Variants in MRGPRX3 observed in about 807,000 individuals in gnomAD.
The protein encoded by MRGPRX3 is mas-related G protein-coupled receptor member X3.
MRGPRX3 carries 14 observed loss-of-function variants against 16.5 expected under a neutral mutation model. The observed-to-expected ratio is 0.85, with a 90% CI of 0.56 to 1.33. The LOEUF is 1.33. MRGPRX3 is among the 40% of genes most tolerant of loss of function. MRGPRX3 has a pLI of 0.00. For missense variants in MRGPRX3, 449 were observed against 413.0 expected, an observed-to-expected ratio of 1.09 and a Z score of -0.76; for synonymous variants, 199 against 180.1, an observed-to-expected ratio of 1.10 and a Z score of -0.84.
At chr11:18,127,809 C>T (rs768592448), upstream of MRGPRX3, among the ~76,000 whole-genome samples, 8 of 152,162 alleles carry the variant, frequency 5.3e-5, no homozygotes, top group East Asian at 5.8e-4. Context: ...TTTCATTGCT[C>T]GTGAGGAGCT....
chr11:18,135,992 A>C (rs906987298), intron 1 of MRGPRX3, among the ~76,000 whole-genome samples: 3 of 152,170 alleles, frequency 2.0e-5, no homozygotes, highest in Non-Finnish European at 4.4e-5. Context: ...AGCTGCTGTT[A>C]TTCTCCCAAA....
chr11:18,136,742 C>T (rs1208659512), intron 1 of MRGPRX3, among the ~76,000 whole-genome samples: 3 of 152,184 alleles, frequency 2.0e-5, no homozygotes, highest in Non-Finnish European at 4.4e-5. Flanking sequence ...CACATCCTAG[C>T]GAAGATCCCA....
rs147032356 is a variant in MRGPRX3, at chr11:18,137,415, C to T, written c.213C>T (p.Ala71=). The change falls in exon 2 of 2, where the codon GCC becomes GCT. Residue 71 remains alanine (A), a synonymous_variant. Transcript: ENST00000621697. ...VSIYILNLVA[A]DFLFLSGHII... ...TCTACATCCTCAACCTGGTCGCGGC[C>T]GACTTCCTCTTCCTTAGCGGCCACA... 10 of 1,614,058 alleles carry T rather than the reference C, an allele frequency of 6.2e-6. No homozygotes were observed. The highest frequency in any genetic ancestry group is 2.2e-5 in the East Asian group (1 of 44,894).
chr11:18,136,772 G>A (rs1270093272), intron 1 of MRGPRX3, among the ~76,000 whole-genome samples: 2 of 152,162 alleles, frequency 1.3e-5, no homozygotes, highest in East Asian at 1.9e-4. Flanking sequence ...GGTTCATAAT[G>A]CATGATCTTT....
intron 1 of MRGPRX3, among the ~76,000 whole-genome samples, chr11:18,134,570 G>T (rs987193276): frequency 1.3e-5 from 2 of 152,066 alleles, no homozygotes; most frequent in African/African-American, 4.8e-5. Context: ...TCTGTGCTGG[G>T]GTTCTGGAAA....
At chr11:18,122,976 A>G (rs1253609628) in intron 1 of MRGPRX3, among the ~76,000 whole-genome samples, 4 of 152,026 alleles carry the variant, frequency 2.6e-5, no homozygotes, top group African/African-American at 9.7e-5. Flanking sequence ...TTGGCTGCAT[A>G]AATGTCTTCT....
At chr11:18,127,417 G>A (rs1396315797) in intron 1 of MRGPRX3, among the ~76,000 whole-genome samples, 8 of 152,186 alleles carry the variant, frequency 5.3e-5, no homozygotes, top group African/African-American at 1.9e-4. Context: ...CCAATCAGAC[G>A]TAGATTTGGT....
Position 18,137,525 on chromosome 11 carries a change from T to G in MRGPRX3, c.323T>G (p.Ile108Arg). ...CCTGTGATGACCTTTCCCTACTTTATAGGCCTAAGCATGCTGAGCGCCATC... is the reference window on the plus strand; with the variant it reads ...CCTGTGATGACCTTTCCCTACTTTAGAGGCCTAAGCATGCTGAGCGCCATC... ...LSPVMTFPYF[I>R]GLSMLSAIST... is the part of the protein sequence containing the mutation. Residue 108 changes from isoleucine to arginine, a missense_variant, in exon 2 of 2, where the codon ATA (isoleucine) becomes AGA (arginine). Physicochemically the swap from Ile to Arg is moderately conservative, Grantham distance 97 (BLOSUM62 -3). Transcript: ENST00000621697. 6.2e-7 allele frequency: 1 copy of G among 1,614,166 alleles called. No homozygotes were observed. Among genetic ancestry groups the G allele is most frequent in the Non-Finnish European group, 8.5e-7 (1 of 1,180,024 alleles).
upstream of MRGPRX3, among the ~76,000 whole-genome samples, chr11:18,130,216 A>G (rs1397766226): frequency 2.0e-5 from 3 of 152,152 alleles, no homozygotes; most frequent in East Asian, 5.8e-4. Flanking sequence ...GGGCACCCAA[A>G]TCAATAAAGA....
At chr11:18,132,453 T>C (rs1176066192), upstream of MRGPRX3, 2 of 152,324 alleles carry the variant, frequency 1.3e-5, no homozygotes, top group East Asian at 3.9e-4. Context: ...TAGGAGAGGC[T>C]TAAATGTACT....
intron 1 of MRGPRX3, among the ~76,000 whole-genome samples, chr11:18,133,149 TG>T: frequency 6.6e-6 from 1 of 152,348 alleles, no homozygotes; most frequent in South Asian, 2.1e-4. Context: ...AAGATATAGA[TG>T]GCCCAATAAT....
rs781017695 is a variant in MRGPRX3, at chr11:18,137,240, C to T, written c.38C>T (p.Thr13Ile). ...STIPVLGTEL[T>I]PINGREETPC... ...ATCCCAGTCTTGGGTACAGAACTGA[C>T]ACCAATCAACGGACGTGAGGAGACT... The change falls in exon 2 of 2, where the codon ACA becomes ATA. Residue 13 changes from threonine (T) to isoleucine (I), a missense_variant. Thr to Ile is a moderately conservative substitution (Grantham distance 89, BLOSUM62 -1). Transcript: ENST00000621697. 1 of 1,611,956 alleles carries T rather than the reference C, an allele frequency of 6.2e-7. No individual in the cohort carries two copies.
rs1198554623 is a variant in MRGPRX3, at chr11:18,137,592, C to T, written c.390C>T (p.Tyr130=). 3 of 1,614,156 alleles carry T rather than the reference C, an allele frequency of 1.9e-6. No individual in the cohort carries two copies. The highest frequency in any genetic ancestry group is 2.2e-5 in the South Asian group (2 of 91,070). ...TGTCCATCCTGTGGCCCATCTGGTA[C>T]CACTGCCGCCGCCCCAGATACCTGT... ...RCLSILWPIW[Y]HCRRPRYLSS... is the part of the protein sequence containing the mutation. The change falls in exon 2 of 2, where the codon TAC becomes TAT. Residue 130 remains tyrosine (Y), a synonymous_variant. Coordinates refer to ENST00000621697, the MANE Select transcript of MRGPRX3 (RefSeq NM_001370464.1).
chr11:18,130,714 C>A (rs1392506790), upstream of MRGPRX3, among the ~76,000 whole-genome samples: 12 of 138,704 alleles, frequency 8.7e-5, no homozygotes, highest in African/African-American at 3.5e-4. Flanking sequence ...AAAAAAAAAC[C>A]CGCATAGCCA....
At chr11:18,135,226 T>A (rs1848998068) in intron 1 of MRGPRX3, among the ~76,000 whole-genome samples, 1 of 152,204 alleles carries the variant, frequency 6.6e-6, no homozygotes, top group South Asian at 2.1e-4. Flanking sequence ...TTAAACAACA[T>A]GCTAAATGTT....
At chr11:18,127,674 A>G (rs1375906113), upstream of MRGPRX3, among the ~76,000 whole-genome samples, 1 of 152,164 alleles carries the variant, frequency 6.6e-6, no homozygotes, top group African/African-American at 2.4e-5. Flanking sequence ...CCATTCATCT[A>G]ATCTTTTTTC....
intron 1 of MRGPRX3, among the ~76,000 whole-genome samples, chr11:18,122,813 AG>A (rs1848853218): frequency 6.6e-6 from 1 of 152,230 alleles, no homozygotes; most frequent in South Asian, 2.1e-4. Flanking sequence ...ACAGTGTAAA[AG>A]CTTTCCTGTT....
chr11:18,126,910 G>C (rs1384970490), intron 1 of MRGPRX3, among the ~76,000 whole-genome samples: 8 of 152,152 alleles, frequency 5.3e-5, no homozygotes, highest in Admixed American at 5.2e-4. Context: ...ATTTGGGTTG[G>C]TTCCAAGTCT....
chr11:18,134,423 A>G (rs1450470774), intron 1 of MRGPRX3, among the ~76,000 whole-genome samples: 3 of 152,236 alleles, frequency 2.0e-5, no homozygotes, highest in African/African-American at 2.4e-5. Context: ...AAACTACAAT[A>G]TAACAAGAAC....
Sources: gnomAD v4.1 joint callset for allele counts (sites outside exome capture counted in the v4.1 genomes callset) on GRCh38, gnomAD v4.1.1 for gene constraint, MANE v1.5 for transcripts, NCBI Gene and HGNC (gene_info 2026-07-23, HGNC 2026-07-21) for gene names.